TBC1D30: variants seen among roughly 807,000 people sequenced by gnomAD.
TBC1D30 encodes TBC1 domain family, member 30.
A neutral mutation model predicts 63.2 loss-of-function variants in TBC1D30; 31 were observed. The ratio of observed to expected loss-of-function variants is 0.49; its 90% CI spans 0.37 to 0.66. The LOEUF (loss-of-function observed/expected upper bound fraction) is 0.66, where lower values mean the gene tolerates loss of function less well. Ranked by LOEUF, TBC1D30 falls within the 30% of genes least tolerant of loss-of-function variation. The pLI, the probability that TBC1D30 is intolerant of heterozygous loss-of-function variation, is 0.00. For missense variants in TBC1D30, 810 were observed against 953.6 expected, an observed-to-expected ratio of 0.85 and a Z score of 1.98; for synonymous variants, 307 against 361.5, an observed-to-expected ratio of 0.85 and a Z score of 1.71.
chr12:64,875,479 G>A lies in TBC1D30; in HGVS notation c.1977G>A (p.Leu659=), dbSNP rs377334247. ...VSAVQAKLGA[L]ELNQRDAAAE... The stretch of plus-strand genomic sequence containing the variant: ...CAGTTCAGGCGAAGTTGGGAGCCCT[G>A]GAACTGAACCAGAGGGATGCTGCAG... The change falls in exon 12 of 12, where the codon CTG becomes CTA. Residue 659 remains leucine (L), a synonymous_variant. Coordinates refer to ENST00000539867, the MANE Select transcript of TBC1D30 (RefSeq NM_015279.2). 77 of 1,536,172 alleles carry A rather than the reference G, an allele frequency of 5.0e-5. No individual in the cohort carries two copies. The East Asian group carries it at 1.3e-3, about 27-fold the overall frequency.
At chr12:64,764,881 T>C (rs993485790) in intron 1 of TBC1D30, among the ~76,000 whole-genome samples, 1 of 152,178 alleles carries the variant, frequency 6.6e-6, no homozygotes, top group Non-Finnish European at 1.5e-5. Flanking sequence ...ACCAAGGTAA[T>C]GTAAAACAAA....
chr12:64,875,492 A>AGG lies in TBC1D30; in HGVS notation c.1992_1993dup (p.Asp665GlyfsTer81). ...GTTGGGAGCCCTGGAACTGAACCAG[A>AGG]GGGATGCTGCAGCTGAAACTGAGCT... On this transcript the variant is annotated frameshift_variant, in exon 12 of 12. Coordinates refer to ENST00000539867, the MANE Select transcript of TBC1D30 (RefSeq NM_015279.2). LOFTEE classifies it low-confidence loss of function (END_TRUNC). 1 of 1,536,144 alleles carries AGG rather than the reference A, an allele frequency of 6.5e-7. No individual in the cohort carries two copies.
At chr12:64,764,530 G>A (rs774606450) in intron 1 of TBC1D30, among the ~76,000 whole-genome samples, 4 of 152,212 alleles carry the variant, frequency 2.6e-5, no homozygotes, top group Non-Finnish European at 5.9e-5. Context: ...CAATATAGAT[G>A]CCTTTATACA....
exon 1 of TBC1D30, chr12:64,780,760 C>T: frequency 2.0e-6 from 2 of 988,054 alleles, no homozygotes; most frequent in Non-Finnish European, 2.4e-6. Flanking sequence ...TGGCCGGCGC[C>T]GCGAGGCGGG....
intron 4 of TBC1D30, among the ~76,000 whole-genome samples, chr12:64,831,846 A>G (rs1874885734): frequency 6.6e-6 from 1 of 152,178 alleles, no homozygotes; most frequent in Non-Finnish European, 1.5e-5. Flanking sequence ...GTTAATTCTG[A>G]GCTACTTTTT....
intron 8 of TBC1D30, among the ~76,000 whole-genome samples, chr12:64,862,683 A>G (rs1877891372): frequency 6.6e-6 from 1 of 152,228 alleles, no homozygotes; most frequent in African/African-American, 2.4e-5. Context: ...TGTCTTTAAT[A>G]AGACATCTTA....
intron 2 of TBC1D30, among the ~76,000 whole-genome samples, chr12:64,815,002 C>T (rs1873438678): frequency 6.6e-6 from 1 of 152,142 alleles, no homozygotes; most frequent in Non-Finnish European, 1.5e-5. Flanking sequence ...TTCCTCTTAT[C>T]CCCAAATATC....
chr12:64,769,537 G>T (rs1226432027), intron 1 of TBC1D30, among the ~76,000 whole-genome samples: 1 of 134,040 alleles, frequency 7.5e-6, no homozygotes, highest in Non-Finnish European at 1.6e-5. Context: ...CCACCACGCT[G>T]GGCTATTTTT....
chr12:64,779,599 G>C (rs1217538243), upstream of TBC1D30, among the ~76,000 whole-genome samples: 1 of 152,110 alleles, frequency 6.6e-6, no homozygotes, highest in Non-Finnish European at 1.5e-5. Flanking sequence ...AGACAAAACT[G>C]TGCTGAACAA....
At chr12:64,873,294 A>T (rs1878797017) in intron 11 of TBC1D30, among the ~76,000 whole-genome samples, 1 of 152,156 alleles carries the variant, frequency 6.6e-6, no homozygotes, top group Non-Finnish European at 1.5e-5. Context: ...GAGGTTAAAG[A>T]AAGTAATGAA....
chr12:64,813,492 A>G (rs1397463805), intron 2 of TBC1D30, among the ~76,000 whole-genome samples: 1 of 152,160 alleles, frequency 6.6e-6, no homozygotes, highest in African/African-American at 2.4e-5. Flanking sequence ...AACTTACCCA[A>G]GTTTACATAG....
chr12:64,851,640 A>G (rs1160428555), intron 8 of TBC1D30, among the ~76,000 whole-genome samples: 1 of 152,150 alleles, frequency 6.6e-6, no homozygotes, highest in African/African-American at 2.4e-5. Flanking sequence ...ACAATTTGGT[A>G]TGTTTTTACA....
intron 8 of TBC1D30, among the ~76,000 whole-genome samples, chr12:64,853,628 C>A (rs1565679177): frequency 6.6e-6 from 1 of 152,172 alleles, no homozygotes; most frequent in Non-Finnish European, 1.5e-5. Context: ...GTGTAGGCAC[C>A]CGAGGGAATC....
intron 1 of TBC1D30, among the ~76,000 whole-genome samples, chr12:64,773,297 C>A (rs188058981): frequency 1.1e-4 from 17 of 152,278 alleles, no homozygotes; most frequent in Non-Finnish European, 2.5e-4. Flanking sequence ...CCTCCAGCCA[C>A]CCCTGCCAGT....
chr12:64,768,986 A>G (rs1870810528), intron 1 of TBC1D30, among the ~76,000 whole-genome samples: 1 of 152,054 alleles, frequency 6.6e-6, no homozygotes, highest in East Asian at 1.9e-4. Context: ...GCAAAACCCC[A>G]TCGCTACAAT....
At chr12:64,836,983 T>C (rs1035808870) in intron 6 of TBC1D30, among the ~76,000 whole-genome samples, 1 of 152,184 alleles carries the variant, frequency 6.6e-6, no homozygotes, top group African/African-American at 2.4e-5. Context: ...ACCAAACCTG[T>C]AGGAGTCTTT....
At chr12:64,800,439 G>C (rs1049563950) in intron 2 of TBC1D30, among the ~76,000 whole-genome samples, 1 of 152,162 alleles carries the variant, frequency 6.6e-6, no homozygotes, top group Non-Finnish European at 1.5e-5. Context: ...TATTGGGAGA[G>C]GCGAATGGAA....
Position 64,829,790 on chromosome 12 carries a change from A to G in TBC1D30, c.283-587A>G, listed in dbSNP as rs115070884. Among the ~76,000 whole-genome samples, 149 of 152,384 alleles carry G rather than the reference A, an allele frequency of 9.8e-4. 1 individual carries two copies. The highest frequency in any genetic ancestry group is 3.5e-3 in the African/African-American group (144 of 41,590). ...AGGGTTCCTCAAAATAGTCATGAAA[A>G]TGACATTATGAAATATAACTTTCAG... is the stretch of plus-strand genomic sequence containing the variant. On this transcript the variant is annotated intron_variant, in intron 3 of 11. Transcript: ENST00000539867.
At chr12:64,814,516 C>T (rs1237027529) in intron 2 of TBC1D30, among the ~76,000 whole-genome samples, 3 of 152,252 alleles carry the variant, frequency 2.0e-5, no homozygotes, top group East Asian at 3.9e-4. Flanking sequence ...ACTTAGTTTT[C>T]AAGTATCAGG....
Sources: allele counts gnomAD v4.1 joint callset (sites outside exome capture counted in the v4.1 genomes callset), GRCh38; gene constraint gnomAD v4.1.1; transcripts MANE v1.5; gene names NCBI Gene and HGNC (gene_info 2026-07-23, HGNC 2026-07-21).